IFNAR2: variants seen among roughly 807,000 people sequenced by gnomAD.
IFNAR2 encodes interferon alpha and beta receptor subunit 2.
A neutral mutation model predicts 49.4 loss-of-function variants in IFNAR2; 30 were observed. The ratio of observed to expected loss-of-function variants is 0.61; its 90% CI spans 0.45 to 0.82. The LOEUF is 0.82. IFNAR2 is among the 40% of genes least tolerant of loss of function. The pLI is 0.00. For missense variants in IFNAR2, 600 were observed against 622.7 expected (o/e 0.96, Z 0.39); for synonymous variants, 224 against 234.5 (o/e 0.96, Z 0.41).
chr21:33,237,078 GGTGTGT>G (rs34322078), intron 1 of IFNAR2, among the ~76,000 whole-genome samples: 34 of 147,638 alleles, frequency 2.3e-4, no homozygotes, highest in African/African-American at 5.5e-4. Flanking sequence ...GGGAGAATGG[GGTGTGT>G]GTGTGTGTGT....
chr21:33,252,224 C>T lies in IFNAR2; in HGVS notation c.541-438C>T, dbSNP rs56197608. The T allele has an allele frequency of 1.6e-3, 755 of 466,992 alleles. 8 individuals carry two copies. The East Asian group carries it at 0.018, about 11-fold the overall frequency. The allele number at this position is 466,992 out of a possible 1,614,324, so 28.9% of individuals were successfully genotyped here. ...GAAGTTACTTAGCCACACTGAGCTA[C>T]AGTTTTCTCATCCGTTGAATGGAGG... On this transcript the variant is annotated intron_variant, in intron 6 of 8. Coordinates refer to ENST00000342136, the MANE Select transcript of IFNAR2 (RefSeq NM_001289125.3).
chr21:33,252,468 G>A (rs1601809272), intron 6 of IFNAR2, 194 bp from the exon 7 acceptor site: 12 of 985,118 alleles, frequency 1.2e-5, no homozygotes, highest in Non-Finnish European at 1.4e-5. Context: ...GTGTGTGCAG[G>A]TGTATATTAA....
chr21:33,233,144 G>A (rs571638870), intron 1 of IFNAR2: 3 of 154,842 alleles, frequency 1.9e-5, no homozygotes, highest in South Asian at 2.1e-4. Flanking sequence ...ATTGAAGACC[G>A]TAAAAACATA....
intron 8 of IFNAR2, among the ~76,000 whole-genome samples, chr21:33,262,303 G>A (rs1054620594): frequency 3.4e-5 from 5 of 146,892 alleles, no homozygotes; most frequent in African/African-American, 1.3e-4. Flanking sequence ...GGTGGAGGTT[G>A]CAGTGAGCCA....
chr21:33,240,814 C>CAAA (rs35515030), intron 1 of IFNAR2, among the ~76,000 whole-genome samples: 1 of 138,680 alleles, frequency 7.2e-6, no homozygotes, highest in South Asian at 2.3e-4. Context: ...AGACCCGTCT[C>CAAA]AAAAAAAAAA....
chr21:33,243,596 T>C (rs1310757220), intron 2 of IFNAR2, 77 bp from the exon 3 acceptor site: 7 of 1,259,092 alleles, frequency 5.6e-6, no homozygotes, highest in Non-Finnish European at 7.0e-6. Context: ...TGTTAAAGAA[T>C]GTCAGACTTA....
intron 2 of IFNAR2, among the ~76,000 whole-genome samples, chr21:33,242,781 G>C: frequency 2.6e-5 from 1 of 39,092 alleles, no homozygotes; most frequent in African/African-American, 1.0e-4. Context: ...GTGTGTGTGT[G>C]TGTGTGTGTG....
chr21:33,241,309 C>T (rs904698168), intron 1 of IFNAR2, among the ~76,000 whole-genome samples: 2 of 152,142 alleles, frequency 1.3e-5, no homozygotes, highest in African/African-American at 4.8e-5. Context: ...TAAACTGGCA[C>T]ATGTGCAAAA....
chr21:33,262,364 C>CAAAAAAA (rs58341848), intron 8 of IFNAR2, among the ~76,000 whole-genome samples: 1 of 96,334 alleles, frequency 1.0e-5, no homozygotes, highest in Non-Finnish European at 2.0e-5. Context: ...ACTCCCGTCT[C>CAAAAAAA]AAAAAAAAAA....
At chr21:33,244,346 C>A (rs1031271664) in intron 3 of IFNAR2, among the ~76,000 whole-genome samples, 12 of 152,194 alleles carry the variant, frequency 7.9e-5, no homozygotes, top group African/African-American at 2.9e-4. Context: ...TATAATTCAA[C>A]TCAGTTTCAC....
intron 2 of IFNAR2, 109 bp downstream of exon 2, chr21:33,242,086 G>GT (rs1986983122): frequency 1.1e-6 from 1 of 930,686 alleles, no homozygotes; most frequent in Non-Finnish European, 1.6e-6. Context: ...AGAGGACCCA[G>GT]TACCACCCTG....
chr21:33,235,754 G>A lies in IFNAR2; in HGVS notation c.-84+5538G>A, dbSNP rs8134259. Among the ~76,000 whole-genome samples the A allele has an allele frequency of 2.4e-3, 362 of 151,976 alleles. 4 individuals carry two copies. The highest frequency in any genetic ancestry group is 8.1e-3 in the African/African-American group (335 of 41,444). On this transcript the variant is annotated intron_variant, in intron 1 of 8. Coordinates refer to ENST00000342136, the MANE Select transcript of IFNAR2 (RefSeq NM_001289125.3). ...ATCCTGGCTAACACTGTGAAACCCC[G>A]TCTCTACTAAAAATACAAAAAATTA...
chr21:33,236,725 A>G (rs965922258), intron 1 of IFNAR2: 3 of 985,358 alleles, frequency 3.0e-6, no homozygotes, highest in Non-Finnish European at 3.6e-6. Flanking sequence ...GGAAGGATCC[A>G]AGTGTGAGCT....
rs777976927 is a variant in IFNAR2, at chr21:33,260,592, A to C, written c.710-5A>C. 1.9e-6 allele frequency: 3 copies of C among 1,576,506 alleles called. No homozygotes were observed. The African/African-American group carries it at 4.1e-5, about 22-fold the overall frequency. ...AAATAAAGTCATTTAATTTTTCATC[A>C]ACAGAATCAGCAGAATCTGCCAAAA... On this transcript the variant is annotated splice_region_variant and splice_polypyrimidine_tract_variant and intron_variant, in intron 7 of 8. Coordinates refer to ENST00000342136, the MANE Select transcript of IFNAR2 (RefSeq NM_001289125.3).
chr21:33,240,970 G>T (rs1014737920), intron 1 of IFNAR2, among the ~76,000 whole-genome samples: 5 of 152,110 alleles, frequency 3.3e-5, no homozygotes, highest in Non-Finnish European at 7.4e-5. Context: ...TTATAAGTGG[G>T]AGCTATTAAT....
intron 1 of IFNAR2, among the ~76,000 whole-genome samples, chr21:33,237,526 C>A (rs1290153349): frequency 6.6e-6 from 1 of 152,098 alleles, no homozygotes; most frequent in Non-Finnish European, 1.5e-5. Flanking sequence ...CAGAGTGAGA[C>A]CCTGTCTCAA....
chr21:33,257,355 T>G (rs1988275573), intron 7 of IFNAR2, among the ~76,000 whole-genome samples: 3 of 152,144 alleles, frequency 2.0e-5, no homozygotes, highest in Non-Finnish European at 2.9e-5. Context: ...GTAGCATGGT[T>G]TATTGTGAAG....
At chr21:33,262,677 C>A in intron 8 of IFNAR2, 116 bp from the exon 9 acceptor site, 1 of 1,431,732 alleles carries the variant, frequency 7.0e-7, no homozygotes. Flanking sequence ...TCCCCAGTAG[C>A]TGGGATTACA....
At position 33,263,754 on chromosome 21, in the gene IFNAR2, A is replaced by G. The variant is rs1226619099; in HGVS notation, c.*254A>G. 2 of 479,726 alleles carry G rather than the reference A, an allele frequency of 4.2e-6. No homozygotes were observed. The highest frequency in any genetic ancestry group is 7.5e-5 in the Admixed American group (2 of 26,494). 29.7% of individuals were successfully genotyped at this position (479,726 alleles called of 1,614,324 possible). ...CACATGTGCACCTTTCCTTTACACT[A>G]ATGCACTTAGGATGTTTCTGCATCA... On this transcript the variant is annotated 3_prime_UTR_variant, in exon 9 of 9. Transcript: ENST00000342136.
Sources: allele counts gnomAD v4.1 joint callset (sites outside exome capture counted in the v4.1 genomes callset), GRCh38; gene constraint gnomAD v4.1.1; transcripts MANE v1.5; gene names NCBI Gene and HGNC (gene_info 2026-07-23, HGNC 2026-07-21).